Variants in FRAS1 observed in about 807,000 individuals in gnomAD.
The protein encoded by FRAS1 is Fraser extracellular matrix complex subunit 1.
In FRAS1, 290 loss-of-function variants were observed where a neutral mutation model predicts 435.2. That is an observed-to-expected ratio of 0.67 (90% CI 0.61 to 0.73). The LOEUF (loss-of-function observed/expected upper bound fraction) is 0.73, where lower values mean the gene tolerates loss of function less well. Ranked by LOEUF, FRAS1 falls within the 30% of genes least tolerant of loss-of-function variation. FRAS1 has a pLI of 0.00. For missense variants in FRAS1, 4,860 were observed against 5,001.5 expected (o/e 0.97, Z 0.85); for synonymous variants, 1,800 against 1,851.0 (o/e 0.97, Z 0.71).
intron 66 of FRAS1, among the ~76,000 whole-genome samples, chr4:78,518,260 A>G (rs1410952940): frequency 6.6e-6 from 1 of 152,036 alleles, no homozygotes; most frequent in African/African-American, 2.4e-5. Context: ...TATTAAAAAA[A>G]AACTTTAGAA....
chr4:78,470,146 T>G, intron 51 of FRAS1, 55 bp downstream of exon 51: 1 of 1,109,672 alleles, frequency 9.0e-7, no homozygotes, highest in Admixed American at 1.9e-5. Flanking sequence ...TACATCCTTC[T>G]TCACGACAAT....
chr4:78,452,020 A>G (rs1032627951), intron 46 of FRAS1, 129 bp downstream of exon 46: 2 of 1,249,096 alleles, frequency 1.6e-6, no homozygotes, highest in African/African-American at 3.0e-5. Flanking sequence ...TGAAAATCAT[A>G]CCCCCTTTAT....
At chr4:78,189,014 T>C (rs4397017) in intron 2 of FRAS1, among the ~76,000 whole-genome samples, 41,418 of 152,106 alleles carry the variant, frequency 0.27, 6,723 homozygotes, top group South Asian at 0.53. Context: ...AGGCATGTGG[T>C]ATTACTGCCG....
chr4:78,115,353 T>C (rs1029251385), intron 2 of FRAS1, among the ~76,000 whole-genome samples: 4 of 152,206 alleles, frequency 2.6e-5, no homozygotes, highest in Non-Finnish European at 5.9e-5. Context: ...TAAAATAACT[T>C]AGGGAGGATT....
At chr4:78,181,946 G>A (rs1722028750) in intron 2 of FRAS1, 4 of 1,607,822 alleles carry the variant, frequency 2.5e-6, no homozygotes, top group Admixed American at 1.7e-5. Context: ...CTTGTTCTCC[G>A]CTGCCTTCAG....
intron 2 of FRAS1, among the ~76,000 whole-genome samples, chr4:78,132,906 C>T (rs559315415): frequency 7.9e-5 from 12 of 152,128 alleles, no homozygotes; most frequent in Admixed American, 5.9e-4. Context: ...GAGGAGCTGT[C>T]TGCTGGCCCA....
chr4:78,324,672 T>G (rs2110245969), intron 18 of FRAS1, among the ~76,000 whole-genome samples: 1 of 151,434 alleles, frequency 6.6e-6, no homozygotes, highest in East Asian at 1.9e-4. Flanking sequence ...TGCCCAGAAC[T>G]AATTTACTTA....
At chr4:78,458,714 G>A (rs1364936102) in intron 47 of FRAS1, among the ~76,000 whole-genome samples, 1 of 152,030 alleles carries the variant, frequency 6.6e-6, no homozygotes, top group East Asian at 1.9e-4. Flanking sequence ...TTTTAAACCT[G>A]CAGAATTCAT....
intron 2 of FRAS1, among the ~76,000 whole-genome samples, chr4:78,139,897 T>C (rs1720087265): frequency 6.6e-6 from 1 of 152,202 alleles, no homozygotes; most frequent in Non-Finnish European, 1.5e-5. Flanking sequence ...AACTATATTG[T>C]TATAATTGGA....
intron 2 of FRAS1, chr4:78,070,377 T>C (rs927829595): frequency 6.6e-6 from 1 of 152,176 alleles, no homozygotes; most frequent in African/African-American, 2.4e-5. Context: ...TGTGTAGCCA[T>C]CTCTAAATTA....
At chr4:78,467,050 TC>T (rs1719553810) in intron 50 of FRAS1, among the ~76,000 whole-genome samples, 1 of 152,230 alleles carries the variant, frequency 6.6e-6, no homozygotes, top group Non-Finnish European at 1.5e-5. Context: ...GGTGTATCCA[TC>T]CCTTCAAACA....
At chr4:78,324,952 A>G (rs762110768) in intron 18 of FRAS1, among the ~76,000 whole-genome samples, 2 of 152,198 alleles carry the variant, frequency 1.3e-5, no homozygotes, top group Non-Finnish European at 2.9e-5. Flanking sequence ...TAAATATGAT[A>G]TAATTTTGAA....
intron 9 of FRAS1, among the ~76,000 whole-genome samples, chr4:78,267,795 A>C (rs772707388): frequency 6.6e-6 from 1 of 152,226 alleles, no homozygotes; most frequent in Non-Finnish European, 1.5e-5. Context: ...CAGGGTCCAC[A>C]GGTGTGCTGG....
chr4:78,464,528 G>T lies in FRAS1; in HGVS notation c.6974G>T (p.Gly2325Val). ...AACTTAGGAATGCGGGTGCAGGAGG[G>T]CATGAGGAAGACCATCACAGAGTTT... Reference protein sequence around the residue: ...VQNLGMRVQEGMRKTITEFEL... With the variant: ...VQNLGMRVQEVMRKTITEFEL... Residue 2325 changes from glycine (G) to valine (V), a missense_variant, in exon 49 of 74, where the codon GGC becomes GTC. Physicochemically the swap from Gly to Val is moderately radical, Grantham distance 109 (BLOSUM62 -3). Transcript: ENST00000512123. 6.2e-7 allele frequency: 1 copy of T among 1,613,946 alleles called. No homozygotes were observed. Among genetic ancestry groups the T allele is most frequent in the South Asian group, 1.1e-5 (1 of 91,080 alleles).
intron 12 of FRAS1, among the ~76,000 whole-genome samples, chr4:78,283,805 A>G (rs1461109146): frequency 6.6e-6 from 1 of 152,190 alleles, no homozygotes; most frequent in Non-Finnish European, 1.5e-5. Flanking sequence ...CATTTAGCAT[A>G]TTATTATGCA....
intron 62 of FRAS1, 101 bp from the exon 63 acceptor site, chr4:78,508,630 G>A: frequency 8.2e-7 from 1 of 1,221,944 alleles, no homozygotes. Flanking sequence ...CAAAGAACCT[G>A]TAGACACTAA....
Position 78,333,512 on chromosome 4 carries a change from A to AT in FRAS1, c.2278+100_2278+101insT, listed in dbSNP as rs1730029769. ...TAGAAACCTTGTCATACCGGGGACT[A>AT]AGATTCAGCTGTAAATCCTTGTCTT... is the stretch of plus-strand genomic sequence containing the variant. On this transcript the variant is annotated intron_variant, in intron 19 of 73. Coordinates refer to ENST00000512123, the MANE Select transcript of FRAS1 (RefSeq NM_025074.7). The AT allele has an allele frequency of 4.8e-6, 6 of 1,244,072 alleles. No homozygotes were observed. In the African/African-American group the frequency reaches 7.7e-5, roughly 16 times the overall value. 77.1% of individuals were successfully genotyped at this position (1,244,072 alleles called of 1,614,324 possible).
chr4:78,336,637 C>G (rs1730180605), intron 19 of FRAS1, among the ~76,000 whole-genome samples: 1 of 151,966 alleles, frequency 6.6e-6, no homozygotes, highest in South Asian at 2.1e-4. Flanking sequence ...TTCTTGCTTG[C>G]TTGCTTTTTT....
At chr4:78,342,873 G>A (rs1202259715) in intron 20 of FRAS1, among the ~76,000 whole-genome samples, 1 of 152,212 alleles carries the variant, frequency 6.6e-6, no homozygotes. Context: ...GGTAGTGAAA[G>A]TCTGGGGGAT....
Sources: gnomAD v4.1 joint callset for allele counts (sites outside exome capture counted in the v4.1 genomes callset) on GRCh38, gnomAD v4.1.1 for gene constraint, MANE v1.5 for transcripts, NCBI Gene and HGNC (gene_info 2026-07-23, HGNC 2026-07-21) for gene names.